The following PARG variants were observed in gnomAD, a reference collection of about 807,000 sequenced individuals.
PARG encodes the protein mitochondrial poly(ADP-ribose) glycohydrolase.
PARG carries 35 observed loss-of-function variants against 113.0 expected under a neutral mutation model. That is an observed-to-expected ratio of 0.31 (90% confidence interval 0.24 to 0.41). The LOEUF is 0.41. Ranked by LOEUF, PARG falls within the 10% of genes least tolerant of loss-of-function variation. The probability of loss-of-function intolerance (pLI) is 1.00; values close to 1 mark genes in which losing one functional copy is unlikely to be tolerated. For missense variants in PARG, 797 were observed against 1,169.4 expected (o/e 0.68, Z 4.64); for synonymous variants, 330 against 409.9 (o/e 0.81, Z 2.36).
rs1351128130 is a variant in PARG, at chr10:49,858,327, T to TA, written c.2206-875dup. ...TCCTTAGTGAGACTATCTGAGGAGT[T>TA]AGATCACACACACACACACACACAC... On this transcript the variant is annotated intron_variant, in intron 12 of 17. Coordinates refer to ENST00000616448, the MANE Select transcript of PARG (RefSeq NM_003631.5). Among the ~76,000 whole-genome samples the TA allele has an allele frequency of 7.7e-4, 45 of 58,510 alleles. 1 individual carries two copies. Among genetic ancestry groups the TA allele is most frequent in the Non-Finnish European group, 1.4e-3 (37 of 27,144 alleles). 38.4% of individuals were successfully genotyped at this position (58,510 alleles called of 152,430 possible).
chr10:49,850,968 A>G (rs1845734169), intron 13 of PARG, among the ~76,000 whole-genome samples: 1 of 152,150 alleles, frequency 6.6e-6, no homozygotes, highest in Non-Finnish European at 1.5e-5. Context: ...ATGAAAATAT[A>G]AAGGTAAACT....
In PARG at chr10:49,891,292, C is replaced by T. The variant is rs1464040960; in HGVS notation, c.1738-5997G>A. Reference sequence around the variant, plus strand: ...TCGTGCCACTGCACTTCCGCCTGGGCGACAGAGTGAGACTTTGTCTCAAAA... The same window carrying T: ...TCGTGCCACTGCACTTCCGCCTGGGTGACAGAGTGAGACTTTGTCTCAAAA... On this transcript the variant is annotated intron_variant, in intron 7 of 17. Transcript: ENST00000616448. Among the ~76,000 whole-genome samples, 43 of 151,476 alleles carry T rather than the reference C, an allele frequency of 2.8e-4. No individual in the cohort carries two copies. In the South Asian group the frequency reaches 4.6e-3, roughly 16 times the overall value.
chr10:49,839,819 T>A (rs180828756), intron 15 of PARG, among the ~76,000 whole-genome samples: 15 of 152,360 alleles, frequency 9.8e-5, no homozygotes. Context: ...TGTATTCATG[T>A]ATTAACTGTG....
intron 11 of PARG, among the ~76,000 whole-genome samples, chr10:49,864,387 CT>C (rs1442382359): frequency 6.6e-6 from 1 of 152,000 alleles, no homozygotes; most frequent in Non-Finnish European, 1.5e-5. Context: ...AAATAAACAT[CT>C]TTGATGGATG....
chr10:49,894,291 C>T (rs1487887221), intron 7 of PARG, among the ~76,000 whole-genome samples: 2 of 151,960 alleles, frequency 1.3e-5, no homozygotes, highest in South Asian at 2.1e-4. Flanking sequence ...ATCCCTCTGC[C>T]TTGGCCTCGC....
intron 4 of PARG, among the ~76,000 whole-genome samples, chr10:49,924,624 G>C (rs1588999636): frequency 6.7e-6 from 1 of 150,116 alleles, no homozygotes. Flanking sequence ...TGATGGGAAC[G>C]GGTGGTTGGA....
At chr10:49,889,506 C>T (rs192698254) in intron 7 of PARG, among the ~76,000 whole-genome samples, 1 of 152,214 alleles carries the variant, frequency 6.6e-6, no homozygotes. Flanking sequence ...TTTACTGATA[C>T]CACTTTGGTG....
At chr10:49,906,270 A>G (rs1483984474) in intron 7 of PARG, among the ~76,000 whole-genome samples, 4 of 151,258 alleles carry the variant, frequency 2.6e-5, no homozygotes. Context: ...GGCTTGAGCC[A>G]CATGTCCAGC....
At chr10:49,882,159 A>G (rs2132636325) in intron 8 of PARG, among the ~76,000 whole-genome samples, 1 of 151,696 alleles carries the variant, frequency 6.6e-6, no homozygotes, top group East Asian at 1.9e-4. Context: ...CTTGGTGAGG[A>G]GAAATGCCTA....
chr10:49,869,068 TA>T (rs1326227236), intron 10 of PARG, among the ~76,000 whole-genome samples: 2 of 150,634 alleles, frequency 1.3e-5, no homozygotes, highest in Non-Finnish European at 3.0e-5. Flanking sequence ...ACAAAGGGCT[TA>T]GGGGGGCACA....
intron 13 of PARG, among the ~76,000 whole-genome samples, chr10:49,844,660 C>T (rs1329757868): frequency 6.9e-6 from 1 of 144,202 alleles, no homozygotes; most frequent in Admixed American, 6.9e-5. Context: ...AAAAAGAAAA[C>T]TTAAATGGAG....
intron 6 of PARG, among the ~76,000 whole-genome samples, chr10:49,919,846 G>A (rs1308934299): frequency 6.6e-6 from 1 of 152,072 alleles, no homozygotes; most frequent in Non-Finnish European, 1.5e-5. Context: ...GTGCCACTGC[G>A]ATCTGATGTT....
intron 8 of PARG, among the ~76,000 whole-genome samples, chr10:49,883,658 G>A (rs545867219): frequency 8.2e-4 from 125 of 151,978 alleles, no homozygotes; most frequent in African/African-American, 2.7e-3. Flanking sequence ...AAAATTAGCC[G>A]AGTGTAGTGG....
intron 15 of PARG, among the ~76,000 whole-genome samples, chr10:49,838,779 A>C (rs1054939485): frequency 3.3e-5 from 5 of 152,186 alleles, no homozygotes; most frequent in African/African-American, 1.2e-4. Context: ...TATAAATTAG[A>C]CTTTATTGCA....
chr10:49,911,155 T>C (rs1348279136), intron 7 of PARG, among the ~76,000 whole-genome samples: 6 of 151,868 alleles, frequency 4.0e-5, no homozygotes, highest in African/African-American at 1.5e-4. Flanking sequence ...TGGTGGTGGG[T>C]GCCTGTAATT....
intron 13 of PARG, among the ~76,000 whole-genome samples, chr10:49,856,416 G>T (rs1845990433): frequency 6.6e-6 from 1 of 151,958 alleles, no homozygotes; most frequent in African/African-American, 2.4e-5. Flanking sequence ...CTGACCTCAG[G>T]CCATCTGTCT....
intron 15 of PARG, among the ~76,000 whole-genome samples, chr10:49,837,514 C>G (rs1223277571): frequency 6.6e-6 from 1 of 151,982 alleles, no homozygotes; most frequent in Non-Finnish European, 1.5e-5. Flanking sequence ...AACATTGTCT[C>G]CAAGTTGTGC....
At chr10:49,896,579 C>A (rs1554842811) in intron 7 of PARG, among the ~76,000 whole-genome samples, 2 of 152,144 alleles carry the variant, frequency 1.3e-5, no homozygotes, top group Non-Finnish European at 1.5e-5. Context: ...GCCATCACTC[C>A]CGGCCTGCTA....
At position 49,818,330 on chromosome 10, in the gene PARG, C is replaced by T. The variant is rs1311625136; in HGVS notation, c.*1010G>A. 1 of 152,494 alleles carries T rather than the reference C, an allele frequency of 6.6e-6. No individual in the cohort carries two copies. Among genetic ancestry groups the T allele is most frequent in the East Asian group, 1.9e-4 (1 of 5,204 alleles). 9.4% of individuals were successfully genotyped at this position (152,494 alleles called of 1,614,324 possible). On this transcript the variant is annotated 3_prime_UTR_variant, in exon 18 of 18. Coordinates refer to ENST00000616448, the MANE Select transcript of PARG (RefSeq NM_003631.5). Reference sequence around the variant, plus strand: ...TAGATTTTATGTGCTCACATATAGACACACTTAAAGAGCATACGTTTATAT... The same window carrying T: ...TAGATTTTATGTGCTCACATATAGATACACTTAAAGAGCATACGTTTATAT...
Sources: allele counts gnomAD v4.1 joint callset (sites outside exome capture counted in the v4.1 genomes callset), GRCh38; gene constraint gnomAD v4.1.1; transcripts MANE v1.5; gene names NCBI Gene and HGNC (gene_info 2026-07-23, HGNC 2026-07-21).